KPNA7: variants seen among roughly 807,000 people sequenced by gnomAD.
KPNA7 encodes the protein karyopherin subunit alpha 7.
In KPNA7, 54 loss-of-function variants were observed where a neutral mutation model predicts 53.7. That is an observed-to-expected ratio of 1.01 (90% CI 0.81 to 1.26). KPNA7 has a LOEUF of 1.26. KPNA7 is among the 50% of genes most tolerant of loss of function. The pLI is 0.00. For missense variants in KPNA7, 640 were observed against 644.5 expected, an observed-to-expected ratio of 0.99 and a Z score of 0.07; for synonymous variants, 276 against 259.3, an observed-to-expected ratio of 1.06 and a Z score of -0.62.
intron 6 of KPNA7, among the ~76,000 whole-genome samples, chr7:99,190,165 C>T (rs1309517045): frequency 2.0e-5 from 3 of 151,756 alleles, no homozygotes; most frequent in South Asian, 2.1e-4. Context: ...GGTGAAACCC[C>T]GTCTCTACTA....
chr7:99,158,968 G>A, the KPNA7 span, among the ~76,000 whole-genome samples: 1 of 151,900 alleles, frequency 6.6e-6, no homozygotes, highest in Admixed American at 6.6e-5. Context: ...GGGTTCAAGC[G>A]ATTTTCCTGT....
chr7:99,160,613 C>T, the KPNA7 span, among the ~76,000 whole-genome samples: 287 of 152,234 alleles, frequency 1.9e-3, 6 homozygotes, highest in African/African-American at 6.8e-3. Context: ...TTTTAAATTC[C>T]AGTTATAGTA....
At chr7:99,156,301 G>C in the KPNA7 span, among the ~76,000 whole-genome samples, 1 of 152,048 alleles carries the variant, frequency 6.6e-6, no homozygotes, top group Non-Finnish European at 1.5e-5. Flanking sequence ...CTCAGAACTT[G>C]GAATTTTTCT....
chr7:99,149,138 A>G, the KPNA7 span, among the ~76,000 whole-genome samples: 6 of 151,992 alleles, frequency 3.9e-5, no homozygotes, highest in African/African-American at 1.4e-4. Context: ...CCTGACCTCA[A>G]GTGATCCGCC....
At chr7:99,217,708 G>GCAGCCT (rs1791249749) in intron 1 of KPNA7, among the ~76,000 whole-genome samples, 1 of 135,606 alleles carries the variant, frequency 7.4e-6, no homozygotes, top group South Asian at 2.3e-4. Context: ...TCGGCTCACT[G>GCAGCCT]CAGCCTCCGC....
chr7:99,194,834 AC>A (rs1790143739), intron 5 of KPNA7, among the ~76,000 whole-genome samples: 1 of 152,042 alleles, frequency 6.6e-6, no homozygotes, highest in African/African-American at 2.4e-5. Context: ...TGAACTCCTG[AC>A]CTCAAGTGAT....
intron 5 of KPNA7, among the ~76,000 whole-genome samples, chr7:99,194,176 A>G (rs1157229665): frequency 6.6e-6 from 1 of 152,164 alleles, no homozygotes; most frequent in Non-Finnish European, 1.5e-5. Flanking sequence ...AGTTTTCCCT[A>G]GAAAGTCACT....
chr7:99,203,139 G>A lies in KPNA7; in HGVS notation c.168C>T (p.Asp56=), dbSNP rs919989151. ...KRRNITSFCP[D]TPSEKTAKGV... ...CTTTGGCTGTTTTTTCAGAAGGTGTGTCAGGGCAGAAGCTCGTGATATTCC... is the reference window on the plus strand; with the variant it reads ...CTTTGGCTGTTTTTTCAGAAGGTGTATCAGGGCAGAAGCTCGTGATATTCC... Residue 56 remains aspartate, a synonymous_variant, in exon 3 of 11, where the codon GAC becomes GAT. Transcript: ENST00000327442. 2.6e-6 allele frequency: 4 copies of A among 1,551,714 alleles called. No homozygotes were observed. The highest frequency in any genetic ancestry group is 3.5e-6 in the Non-Finnish European group (4 of 1,146,982).
the KPNA7 span, among the ~76,000 whole-genome samples, chr7:99,162,190 A>T: frequency 2.6e-5 from 4 of 151,962 alleles, no homozygotes; most frequent in African/African-American, 9.7e-5. Context: ...GATTACAGGC[A>T]TGTGCCACCA....
chr7:99,177,569 T>C (rs1798951386), intron 10 of KPNA7, among the ~76,000 whole-genome samples: 2 of 66,980 alleles, frequency 3.0e-5, no homozygotes, highest in South Asian at 5.3e-4. Context: ...AGTGAAACCA[T>C]CTCAAAAAAA....
At position 99,196,084 on chromosome 7, in the gene KPNA7, C is replaced by G. The variant is rs1206570723; in HGVS notation, c.284G>C (p.Arg95Thr). Reference protein sequence around the residue: ...VLCFQATQTARKMLSQEKNPP... With the variant: ...VLCFQATQTATKMLSQEKNPP... ...ACAGCAGAAGTCTGTTTGGAGATAC[C>G]TGGCTGTCTGGGTGGCCTGGAAACA... Residue 95 changes from arginine (R) to threonine (T), a missense_variant and splice_region_variant, in exon 4 of 11, where the codon AGG (arginine) becomes ACG (threonine). Physicochemically the swap from Arg to Thr is moderately conservative, Grantham distance 71 (BLOSUM62 -1). Coordinates refer to ENST00000327442, the MANE Select transcript of KPNA7 (RefSeq NM_001145715.3). 1.3e-6 allele frequency: 2 copies of G among 1,551,170 alleles called. No individual in the cohort carries two copies. Among genetic ancestry groups the G allele is most frequent in the Admixed American group, 3.9e-5 (2 of 50,998 alleles).
At chr7:99,168,082 C>A in the KPNA7 span, among the ~76,000 whole-genome samples, 1 of 131,086 alleles carries the variant, frequency 7.6e-6, no homozygotes, top group South Asian at 2.5e-4. Flanking sequence ...AAGTCTAAAA[C>A]AACACTCTTG....
intron 9 of KPNA7, among the ~76,000 whole-genome samples, chr7:99,180,601 C>A (rs1354265669): frequency 3.5e-5 from 5 of 144,486 alleles, no homozygotes; most frequent in Non-Finnish European, 6.1e-5. Context: ...GTCTCTCCGT[C>A]TCTGTCTCTC....
chr7:99,158,445 C>G, the KPNA7 span, among the ~76,000 whole-genome samples: 1 of 152,152 alleles, frequency 6.6e-6, no homozygotes, highest in African/African-American at 2.4e-5. Flanking sequence ...TTTTGCTCTA[C>G]TTTATGGGAA....
Position 99,181,958 on chromosome 7 carries a change from T to C in KPNA7, c.1242A>G (p.Pro414=), listed in dbSNP as rs1789269644. The stretch of plus-strand genomic sequence containing the variant: ...CTGGGGCAGTGAGCAGATTCACCAG[T>C]GGCTCCAGGACCCCAGAGTGGACGA... The part of the protein sequence containing the change: ...IQLVHSGVLE[P]LVNLLTAPDV... Residue 414 remains proline, a synonymous_variant, in exon 9 of 11, where the codon CCA becomes CCG. Coordinates refer to ENST00000327442, the MANE Select transcript of KPNA7 (RefSeq NM_001145715.3). 1.9e-6 allele frequency: 3 copies of C among 1,551,490 alleles called. No homozygotes were observed. The East Asian group carries it at 7.3e-5, about 38-fold the overall frequency.
At chr7:99,198,416 G>C (rs2150757114) in intron 3 of KPNA7, among the ~76,000 whole-genome samples, 1 of 152,006 alleles carries the variant, frequency 6.6e-6, no homozygotes, top group African/African-American at 2.4e-5. Context: ...TGAAACATAT[G>C]GTCAACATAT....
upstream of KPNA7, among the ~76,000 whole-genome samples, chr7:99,212,103 C>T (rs372388488): frequency 3.8e-4 from 58 of 152,110 alleles, no homozygotes; most frequent in African/African-American, 1.2e-3. Flanking sequence ...ACTTCAAGCT[C>T]GAGGTAGCTT....
chr7:99,183,575 G>C (rs1256179270), intron 8 of KPNA7, among the ~76,000 whole-genome samples: 1 of 152,076 alleles, frequency 6.6e-6, no homozygotes, highest in African/African-American at 2.4e-5. Flanking sequence ...TATAATTTGG[G>C]CAACACACCT....
Position 99,181,999 on chromosome 7 carries a change from C to T in KPNA7, c.1201G>A (p.Asp401Asn). ...VANFATGATM[D>N]QLIQLVHSGV... ...GAGTGGACGAGCTGGATCAGCTGAT[C>T]CATGGTGGCCCCTGTTGCAAAGTTC... The change falls in exon 9 of 11, where the codon GAT becomes AAT. Residue 401 changes from aspartate (D) to asparagine (N), a missense_variant. Transcript: ENST00000327442. The T allele has an allele frequency of 6.5e-7, 1 of 1,550,224 alleles. No individual in the cohort carries two copies. Among genetic ancestry groups the T allele is most frequent in the East Asian group, 2.4e-5 (1 of 40,856 alleles).
Sources: gnomAD v4.1 joint callset for allele counts (sites outside exome capture counted in the v4.1 genomes callset) on GRCh38, gnomAD v4.1.1 for gene constraint, MANE v1.5 for transcripts, NCBI Gene and HGNC (gene_info 2026-07-23, HGNC 2026-07-21) for gene names.